Variants in MYH9 observed in about 807,000 individuals in gnomAD.
The protein encoded by MYH9 is myosin-9.
MYH9 carries 29 observed loss-of-function variants against 241.9 expected under a neutral mutation model. The observed-to-expected ratio is 0.12, with a 90% CI of 0.09 to 0.16. The LOEUF (loss-of-function observed/expected upper bound fraction) is 0.16. Ranked by LOEUF, MYH9 falls within the 10% of genes least tolerant of loss-of-function variation. The pLI, the probability that MYH9 is intolerant of heterozygous loss-of-function variation, is 1.00. For missense variants in MYH9, 1,803 were observed against 2,595.5 expected, an observed-to-expected ratio of 0.69 and a Z score of 6.63; for synonymous variants, 1,047 against 1,062.6, an observed-to-expected ratio of 0.99 and a Z score of 0.29.
intron 5 of MYH9, 55 bp from the exon 6 acceptor site, chr22:36,322,576 C>T (rs1441959814): frequency 1.8e-5 from 28 of 1,543,868 alleles, no homozygotes; most frequent in African/African-American, 5.4e-5. Context: ...GGCTGCCGAG[C>T]CTGCCCTGCC....
intron 14 of MYH9, among the ~76,000 whole-genome samples, chr22:36,311,350 G>T (rs1390185313): frequency 6.6e-6 from 1 of 152,156 alleles, no homozygotes; most frequent in Non-Finnish European, 1.5e-5. Context: ...ACCCACAGCA[G>T]TGGCAATTCC....
rs1281960330 is a variant in MYH9 at position 36,295,012 on chromosome 22, C to T, written c.3550G>A (p.Glu1184Lys). The change falls in exon 27 of 41, where the codon GAG (glutamate) becomes AAG (lysine). Residue 1184 changes from glutamate (E) to lysine (K), a missense_variant. Around this residue, in one of 11 missense-constraint regions of MYH9, gnomAD observed 876 missense variants for 1,077.8 expected, o/e 0.81. Transcript: ENST00000216181. This position sits in a 1 kb window ranked among gnomAD's most constrained non-coding sequence, Gnocchi z 4.1. ...TGCCTCATCTCCTGGATCTGGGCCT[C>T]GTGGGTCTTGGCCTCCTCCTCCAGG... ...KTLEEEAKTH[E>K]AQIQEMRQKH... 2.5e-6 allele frequency: 4 copies of T among 1,614,198 alleles called. No individual in the cohort carries two copies. The highest frequency in any genetic ancestry group is 1.1e-5 in the South Asian group (1 of 91,090).
At chr22:36,316,762 C>A in intron 11 of MYH9, 93 bp from the exon 12 acceptor site, 1 of 1,494,560 alleles carries the variant, frequency 6.7e-7, no homozygotes, top group Non-Finnish European at 9.2e-7. Context: ...TTAGAGTCCT[C>A]CCCCTAGAGG....
chr22:36,340,651 A>G (rs530272938), intron 3 of MYH9, among the ~76,000 whole-genome samples: 3 of 150,212 alleles, frequency 2.0e-5, no homozygotes, highest in East Asian at 3.9e-4. Flanking sequence ...TGACAGAACG[A>G]GATTCCGTCT....
chr22:36,316,625 C>T lies in MYH9; in HGVS notation c.1272G>A (p.Arg424=), dbSNP rs2017156757. ...IEALAKATYE[R]MFRWLVLRIN... ...TGCGCAGCACCAGCCAGCGGAACAT[C>T]CGCTCATAGGTCGCCTTGGCCAAGG... The change falls in exon 12 of 41, where the codon CGG becomes CGA. Residue 424 remains arginine (R), a synonymous_variant. Transcript: ENST00000216181. 6 of 1,614,082 alleles carry T rather than the reference C, an allele frequency of 3.7e-6. No individual in the cohort carries two copies. The East Asian group carries it at 1.3e-4, about 36-fold the overall frequency.
At chr22:36,283,537 C>CAA (rs1301439151) in intron 40 of MYH9, among the ~76,000 whole-genome samples, 2 of 70,182 alleles carry the variant, frequency 2.8e-5, no homozygotes, top group African/African-American at 1.1e-4. Flanking sequence ...AACTCCGTCT[C>CAA]AAAAAAAAAA....
chr22:36,303,857 A>T lies in MYH9; in HGVS notation c.2390+138T>A, dbSNP rs140907065. ...TCCTCAAAGGTAGAAATCCAGGAACAGGGGTAGGAAGAGCCACCTGGGCCT... is the reference window on the plus strand; with the variant it reads ...TCCTCAAAGGTAGAAATCCAGGAACTGGGGTAGGAAGAGCCACCTGGGCCT... On this transcript the variant is annotated intron_variant, in intron 19 of 40. Transcript: ENST00000216181. The T allele has an allele frequency of 8.5e-3, 6,782 of 801,138 alleles. 41 individuals carry two copies. The highest frequency in any genetic ancestry group is 0.011 in the Non-Finnish European group (5,578 of 497,626). 49.6% of individuals were successfully genotyped at this position (801,138 alleles called of 1,614,324 possible).
At chr22:36,354,940 A>C (rs2017829147) in intron 1 of MYH9, among the ~76,000 whole-genome samples, 1 of 135,148 alleles carries the variant, frequency 7.4e-6, no homozygotes, top group Non-Finnish European at 1.6e-5. Context: ...TAAAAAAACA[A>C]AAAAACAAAA....
chr22:36,360,390 T>C (rs2146405236), intron 1 of MYH9, among the ~76,000 whole-genome samples: 1 of 152,028 alleles, frequency 6.6e-6, no homozygotes, highest in East Asian at 1.9e-4. Context: ...ATGCACAAAA[T>C]GTTGTAGGAA....
chr22:36,297,066 C>CGT, intron 24 of MYH9, 52 bp from the exon 25 acceptor site: 1 of 1,591,712 alleles, frequency 6.3e-7, no homozygotes, highest in Non-Finnish European at 8.6e-7. Flanking sequence ...GTTCTGTCTC[C>CGT]GTGTCAATTA....
chr22:36,287,960 T>C (rs2016616488), intron 34 of MYH9, among the ~76,000 whole-genome samples: 1 of 152,228 alleles, frequency 6.6e-6, no homozygotes, highest in African/African-American at 2.4e-5. Context: ...GAAGTCTGCA[T>C]TAAGTGAGAC....
In MYH9 at chr22:36,285,475, C is replaced by T. The variant is rs2016564091; in HGVS notation, c.5275-146G>A. ...CTCCCAGAAAAGGGAAGATTAGAAA[C>T]TTCTGAACACCCAACACAGAAGCCA... is the stretch of plus-strand genomic sequence containing the variant. On this transcript the variant is annotated intron_variant, in intron 37 of 40. Transcript: ENST00000216181. The surrounding 1 kb of genome is among the most constrained non-coding windows in gnomAD (Gnocchi z 7.0). 2 of 1,310,236 alleles carry T rather than the reference C, an allele frequency of 1.5e-6. No homozygotes were observed. Among genetic ancestry groups the T allele is most frequent in the African/African-American group, 1.5e-5 (1 of 68,770 alleles). 81.2% of individuals were successfully genotyped at this position (1,310,236 alleles called of 1,614,324 possible).
At chr22:36,311,740 C>A (rs989643068) in intron 14 of MYH9, among the ~76,000 whole-genome samples, 2 of 152,184 alleles carry the variant, frequency 1.3e-5, no homozygotes, top group East Asian at 3.9e-4. Flanking sequence ...AAACTCTGAG[C>A]ACATGCCTTT....
chr22:36,336,076 G>C lies in MYH9; in HGVS notation c.490+5294C>G, dbSNP rs1394544251. Among the ~76,000 whole-genome samples, 3 of 152,196 alleles carry C rather than the reference G, an allele frequency of 2.0e-5. No individual in the cohort carries two copies. The East Asian group carries it at 5.8e-4, about 29-fold the overall frequency. On this transcript the variant is annotated intron_variant, in intron 3 of 40. Transcript: ENST00000216181. The stretch of plus-strand genomic sequence containing the variant: ...GGAAGGGAGACTGGCACAGAGCAAA[G>C]GGTTAAATTGCTCTCAGACAAGTTT...
intron 1 of MYH9, among the ~76,000 whole-genome samples, chr22:36,370,274 C>T (rs757008466): frequency 2.0e-5 from 3 of 152,204 alleles, no homozygotes; most frequent in Non-Finnish European, 2.9e-5. Flanking sequence ...ACCAGACACA[C>T]GCCCATCATG....
Position 36,305,082 on chromosome 22 carries a change from T to C in MYH9, c.2180A>G (p.Asn727Ser). 1 of 1,613,886 alleles carries C rather than the reference T, an allele frequency of 6.2e-7. No homozygotes were observed. The highest frequency in any genetic ancestry group is 8.5e-7 in the Non-Finnish European group (1 of 1,179,894). ...GTCCATGAAACCCTTGGGAATGGAG[T>C]TTGGAGTCAGGATCTCATATCTGAG... ...FRQRYEILTP[N>S]SIPKGFMDGK... Residue 727 changes from asparagine to serine, a missense_variant, in exon 18 of 41, where the codon AAC becomes AGC. Transcript: ENST00000216181. The surrounding 1 kb of genome is among the most constrained non-coding windows in gnomAD (Gnocchi z 4.7).
intron 30 of MYH9, 135 bp from the exon 31 acceptor site, chr22:36,292,369 C>T (rs566178180): frequency 2.4e-5 from 28 of 1,182,312 alleles, no homozygotes; most frequent in Admixed American, 3.5e-5. Flanking sequence ...TATGAAACCG[C>T]CTCCCCCAGT....
chr22:36,322,515 G>T lies in MYH9; in HGVS notation c.619C>A (p.Leu207Met). The T allele has an allele frequency of 1.2e-6, 2 of 1,613,634 alleles. No homozygotes were observed. The highest frequency in any genetic ancestry group is 2.2e-5 in the East Asian group (1 of 44,886). The part of the protein sequence containing the change: ...SHKSKKDQGE[L>M]ERQLLQANPI... Reference sequence around the variant, plus strand: ...TTGGCCTGCAGCAGCTGCCGCTCCAGCTCGCCCTGCAAGGAACCCAGGGAC... The same window carrying T: ...TTGGCCTGCAGCAGCTGCCGCTCCATCTCGCCCTGCAAGGAACCCAGGGAC... The change falls in exon 6 of 41, where the codon CTG becomes ATG. Residue 207 changes from leucine to methionine, a missense_variant. Coordinates refer to ENST00000216181, the MANE Select transcript of MYH9 (RefSeq NM_002473.6).
intron 20 of MYH9, chr22:36,302,291 GA>G (rs1603483088): frequency 2.1e-5 from 8 of 380,598 alleles, no homozygotes; most frequent in Non-Finnish European, 3.5e-5. Context: ...AAAATAAAGA[GA>G]TTTTTTTTTT....
Sources: allele counts gnomAD v4.1 joint callset (sites outside exome capture counted in the v4.1 genomes callset), GRCh38; gene constraint gnomAD v4.1.1; regional missense constraint gnomAD v4.1.1; non-coding constraint Gnocchi (gnomAD v3.1); transcripts MANE v1.5; gene names NCBI Gene and HGNC (gene_info 2026-07-23, HGNC 2026-07-21).